Variants in SLIT3 observed in about 807,000 individuals in gnomAD.
The protein encoded by SLIT3 is slit homolog 3 protein.
In SLIT3, 68 loss-of-function variants were observed where a neutral mutation model predicts 184.0. The observed-to-expected ratio is 0.37, with a 90% CI of 0.30 to 0.45. The LOEUF (loss-of-function observed/expected upper bound fraction) is 0.45. Ranked by LOEUF, SLIT3 falls within the 20% of genes least tolerant of loss-of-function variation. The probability of loss-of-function intolerance (pLI) is 1.00; values close to 1 mark genes in which losing one functional copy is unlikely to be tolerated. For missense variants in SLIT3, 1,707 were observed against 2,026.0 expected, an observed-to-expected ratio of 0.84 and a Z score of 3.02; for synonymous variants, 831 against 828.6, an observed-to-expected ratio of 1.00 and a Z score of -0.05.
chr5:168,685,487 G>C (rs569544833), intron 31 of SLIT3, among the ~76,000 whole-genome samples, 200 bp downstream of exon 31: 1 of 152,222 alleles, frequency 6.6e-6, no homozygotes, highest in African/African-American at 2.4e-5. Context: ...GGCTGGAAGT[G>C]GGGGCTGCAG....
intron 12 of SLIT3, among the ~76,000 whole-genome samples, chr5:168,778,622 A>C (rs1755849962): frequency 6.6e-6 from 1 of 152,200 alleles, no homozygotes; most frequent in African/African-American, 2.4e-5. Flanking sequence ...GTACGAGGCA[A>C]GGCTTCCCCC....
At chr5:169,285,996 T>A (rs1222601494) in intron 1 of SLIT3, among the ~76,000 whole-genome samples, 1 of 152,232 alleles carries the variant, frequency 6.6e-6, no homozygotes, top group Non-Finnish European at 1.5e-5. Flanking sequence ...TGGGGTGGAT[T>A]GTTAAGCAGC....
At position 169,028,967 on chromosome 5, in the gene SLIT3, A is replaced by G. The variant is rs552716129; in HGVS notation, c.414-145631T>C. Among the ~76,000 whole-genome samples, 214 of 152,320 alleles carry G rather than the reference A, an allele frequency of 1.4e-3. 1 individual carries two copies. Among genetic ancestry groups the G allele is most frequent in the African/African-American group, 5.1e-3 (211 of 41,574 alleles). On this transcript the variant is annotated intron_variant, in intron 4 of 35. Coordinates refer to ENST00000519560, the MANE Select transcript of SLIT3 (RefSeq NM_003062.4). ...TGGCTTCAAGGCAAAGGGAGTGTTCAGGGGTCTGGAGGTGTGTGATGGCTG... is the reference window on the plus strand; with the variant it reads ...TGGCTTCAAGGCAAAGGGAGTGTTCGGGGGTCTGGAGGTGTGTGATGGCTG...
intron 5 of SLIT3, among the ~76,000 whole-genome samples, chr5:168,857,373 TTTTTG>T (rs71593196): frequency 0.15 from 23,135 of 150,876 alleles, 1,904 homozygotes; most frequent in East Asian, 0.31. Flanking sequence ...AGAGTTTTTG[TTTTTG>T]TTTTGTTTTG....
intron 9 of SLIT3, among the ~76,000 whole-genome samples, chr5:168,798,106 A>G (rs1424404202): frequency 6.6e-6 from 1 of 152,194 alleles, no homozygotes; most frequent in Non-Finnish European, 1.5e-5. Flanking sequence ...TGGCTTCCAA[A>G]CGAAGAAAAA....
chr5:168,671,428 T>G lies in SLIT3; in HGVS notation c.3897A>C (p.Leu1299=), dbSNP rs774418200. 1 of 1,613,664 alleles carries G rather than the reference T, an allele frequency of 6.2e-7. No homozygotes were observed. The highest frequency in any genetic ancestry group is 8.5e-7 in the Non-Finnish European group (1 of 1,179,896). Residue 1299 remains leucine (L), a synonymous_variant, in exon 34 of 36, where the codon CTA becomes CTC. Transcript: ENST00000519560. ...CATGGATGCATCCGTGGAAGCCGCC[T>G]AGAGGCCGGTCCGTGCCCTGGCGCA... The part of the protein sequence containing the change: ...SALRQGTDRP[L]GGFHGCIHEV...
At chr5:169,244,142 C>T (rs951383949) in intron 3 of SLIT3, among the ~76,000 whole-genome samples, 15 of 152,342 alleles carry the variant, frequency 9.8e-5, no homozygotes, top group African/African-American at 3.4e-4. Context: ...ATTTTTAAAC[C>T]ACTGGCAATG....
At chr5:168,799,608 G>A (rs1756691761) in intron 9 of SLIT3, among the ~76,000 whole-genome samples, 1 of 152,182 alleles carries the variant, frequency 6.6e-6, no homozygotes, top group African/African-American at 2.4e-5. Context: ...TGATGCCAGG[G>A]AGCCTGGCAG....
chr5:169,141,424 GTTTT>G (rs869103839), intron 4 of SLIT3, among the ~76,000 whole-genome samples: 2 of 94,708 alleles, frequency 2.1e-5, no homozygotes, highest in Non-Finnish European at 4.6e-5. Context: ...TGTTTGTTTT[GTTTT>G]TTTTTTTGTT....
intron 5 of SLIT3, among the ~76,000 whole-genome samples, chr5:168,874,952 C>T (rs560962248): frequency 3.5e-4 from 53 of 152,208 alleles, no homozygotes; most frequent in Middle Eastern, 3.4e-3. Context: ...AGAGCAGGAC[C>T]GTGTCTTAGT....
chr5:169,148,638 G>T (rs766035949), intron 4 of SLIT3, among the ~76,000 whole-genome samples: 1 of 152,118 alleles, frequency 6.6e-6, no homozygotes, highest in African/African-American at 2.4e-5. Flanking sequence ...TGTGGCTGTC[G>T]TCATCTCGCA....
At chr5:168,859,036 G>C (rs1312812595) in intron 5 of SLIT3, among the ~76,000 whole-genome samples, 1 of 152,234 alleles carries the variant, frequency 6.6e-6, no homozygotes, top group Non-Finnish European at 1.5e-5. Flanking sequence ...CTTCAAAGCA[G>C]AGAAGTCTGA....
intron 4 of SLIT3, among the ~76,000 whole-genome samples, chr5:169,148,405 A>T (rs1231962162): frequency 1.3e-5 from 2 of 152,240 alleles, no homozygotes; most frequent in Non-Finnish European, 2.9e-5. Context: ...GGCAGAAAAA[A>T]CAGAATAGCC....
At chr5:168,781,797 G>A (rs1205106683) in intron 12 of SLIT3, among the ~76,000 whole-genome samples, 2 of 152,186 alleles carry the variant, frequency 1.3e-5, no homozygotes, top group South Asian at 2.1e-4. Flanking sequence ...TGAAGCAGAT[G>A]TCTCTGGATG....
chr5:168,919,655 C>A (rs1048273350), intron 4 of SLIT3, among the ~76,000 whole-genome samples: 3 of 151,584 alleles, frequency 2.0e-5, no homozygotes, highest in South Asian at 2.1e-4. Context: ...AAAAAAAAAA[C>A]AAAGAACATT....
intron 4 of SLIT3, among the ~76,000 whole-genome samples, chr5:169,068,064 ATCTC>A (rs1175977679): frequency 1.3e-5 from 2 of 152,192 alleles, no homozygotes; most frequent in Admixed American, 6.5e-5. Context: ...TGGCTTATTT[ATCTC>A]TCTATTAGGT....
At chr5:168,970,476 C>CA (rs1754533135) in intron 4 of SLIT3, among the ~76,000 whole-genome samples, 2 of 131,596 alleles carry the variant, frequency 1.5e-5, no homozygotes, top group African/African-American at 6.0e-5. Flanking sequence ...GCCTGGGCGA[C>CA]AAAAGTGAAA....
At chr5:169,133,413 C>T (rs943582135) in intron 4 of SLIT3, among the ~76,000 whole-genome samples, 4 of 152,186 alleles carry the variant, frequency 2.6e-5, no homozygotes, top group Non-Finnish European at 5.9e-5. Context: ...AGCCCATAGC[C>T]GTTGAGCTGT....
At chr5:169,187,111 G>GTTTTTTTTTTTTTTTTTTTTT (rs761501769) in intron 4 of SLIT3, among the ~76,000 whole-genome samples, 1 of 94,418 alleles carries the variant, frequency 1.1e-5, no homozygotes, top group Non-Finnish European at 1.9e-5. Flanking sequence ...GCAGCTATAG[G>GTTTTTTTTTTTTTTTTTTTTT]TTTTTTTTTT....
Sources: allele counts gnomAD v4.1 joint callset (sites outside exome capture counted in the v4.1 genomes callset), GRCh38; gene constraint gnomAD v4.1.1; transcripts MANE v1.5; gene names NCBI Gene and HGNC (gene_info 2026-07-23, HGNC 2026-07-21).